Variants in SLC8A1 observed in about 807,000 individuals in gnomAD.
SLC8A1 encodes sodium/calcium exchanger 1.
A neutral mutation model predicts 68.3 loss-of-function variants in SLC8A1; 18 were observed. The ratio of observed to expected loss-of-function variants is 0.26; its 90% confidence interval spans 0.18 to 0.39. SLC8A1 has a LOEUF of 0.39. Ranked by LOEUF, SLC8A1 falls within the 10% of genes least tolerant of loss-of-function variation. The pLI is 1.00. For missense variants in SLC8A1, 985 were observed against 1,156.7 expected, an observed-to-expected ratio of 0.85 and a Z score of 2.15; for synonymous variants, 475 against 415.5, an observed-to-expected ratio of 1.14 and a Z score of -1.74.
intron 2 of SLC8A1, among the ~76,000 whole-genome samples, chr2:40,291,122 A>T (rs1000386412): frequency 1.3e-5 from 2 of 152,174 alleles, no homozygotes; most frequent in African/African-American, 4.8e-5. Context: ...GATGTAGGCG[A>T]CTTCTTTCAG....
chr2:40,126,609 G>A (rs1205370425), intron 7 of SLC8A1, among the ~76,000 whole-genome samples: 1 of 152,104 alleles, frequency 6.6e-6, no homozygotes, highest in Non-Finnish European at 1.5e-5. Context: ...ACCTGCCTGA[G>A]TAAATCTAGG....
At chr2:40,098,040 A>G (rs2033678367) in exon 8 of SLC8A1, 1 of 152,044 alleles carries the variant, frequency 6.6e-6, no homozygotes, top group South Asian at 2.1e-4. Flanking sequence ...TGTAAATCAC[A>G]TATATCTTAA....
At chr2:40,247,854 T>C (rs112758237) in intron 2 of SLC8A1, among the ~76,000 whole-genome samples, 5 of 152,284 alleles carry the variant, frequency 3.3e-5, no homozygotes, top group South Asian at 2.1e-4. Flanking sequence ...TAATTAATTA[T>C]AGAACAGGAC....
At chr2:40,107,203 C>G (rs1572677009) in exon 8 of SLC8A1, 1 of 141,748 alleles carries the variant, frequency 7.1e-6, no homozygotes, top group East Asian at 2.1e-4. Flanking sequence ...ATTCGTGAAC[C>G]CGGGAGGTGG....
chr2:40,137,446 G>A (rs2040725603), intron 7 of SLC8A1, among the ~76,000 whole-genome samples: 1 of 152,178 alleles, frequency 6.6e-6, no homozygotes, highest in South Asian at 2.1e-4. Flanking sequence ...TCTCCTCAGA[G>A]ACTAAACCCA....
chr2:40,144,817 T>C (rs1294193029), intron 6 of SLC8A1, among the ~76,000 whole-genome samples: 2 of 152,212 alleles, frequency 1.3e-5, no homozygotes, highest in African/African-American at 4.8e-5. Flanking sequence ...TTTTATCATA[T>C]GCATTTGAGA....
chr2:40,430,153 C>T (rs751120817), exon 2 of SLC8A1: 2 of 1,613,822 alleles, frequency 1.2e-6, no homozygotes, highest in Non-Finnish European at 1.7e-6. Flanking sequence ...AGTTTCATTT[C>T]CTTCTCCTTC....
At chr2:40,261,276 C>T (rs1574870471) in intron 2 of SLC8A1, among the ~76,000 whole-genome samples, 1 of 152,176 alleles carries the variant, frequency 6.6e-6, no homozygotes, top group South Asian at 2.1e-4. Flanking sequence ...CAGTATTCTG[C>T]ACACACACTA....
intron 2 of SLC8A1, among the ~76,000 whole-genome samples, chr2:40,231,313 G>A (rs1447068353): frequency 6.6e-6 from 1 of 152,126 alleles, no homozygotes; most frequent in Admixed American, 6.6e-5. Context: ...GTAAGAAATG[G>A]AAAATGTTCA....
In SLC8A1 at chr2:40,509,644, C is replaced by G. The variant is rs545707194; in HGVS notation, c.-25+2705G>C. ...AAGTGCTTCCTCCTCTTGTTATTGT[C>G]ACACCATAGACCAGGCCCACAGCTA... On this transcript the variant is annotated intron_variant, in intron 1 of 7. Transcript: ENST00000402441. Among the ~76,000 whole-genome samples, 3 of 152,014 alleles carry G rather than the reference C, an allele frequency of 2.0e-5. No homozygotes were observed. In the South Asian group the frequency reaches 6.2e-4, roughly 32 times the overall value.
At chr2:40,329,060 T>TCA (rs70957170) in intron 2 of SLC8A1, among the ~76,000 whole-genome samples, 7,673 of 141,134 alleles carry the variant, frequency 0.054, 198 homozygotes, top group Middle Eastern at 0.086. Context: ...CACTACAACC[T>TCA]CACACACACA....
chr2:40,483,939 T>G (rs563734298), intron 1 of SLC8A1, among the ~76,000 whole-genome samples: 56 of 152,320 alleles, frequency 3.7e-4, no homozygotes, highest in African/African-American at 1.3e-3. Flanking sequence ...GAACACTATC[T>G]AGTTTAGAAA....
chr2:40,355,262 G>A (rs1007107521), intron 2 of SLC8A1, among the ~76,000 whole-genome samples: 2 of 152,160 alleles, frequency 1.3e-5, no homozygotes, highest in Non-Finnish European at 2.9e-5. Context: ...TGATTCCGAT[G>A]ATTTTTTGAT....
At chr2:40,484,622 C>A (rs185312846) in intron 1 of SLC8A1, among the ~76,000 whole-genome samples, 4 of 152,168 alleles carry the variant, frequency 2.6e-5, no homozygotes, top group Non-Finnish European at 5.9e-5. Flanking sequence ...ATATGGGGAA[C>A]AGTGTTTGAC....
At chr2:40,408,171 G>A (rs1463481614) in intron 2 of SLC8A1, among the ~76,000 whole-genome samples, 1 of 152,128 alleles carries the variant, frequency 6.6e-6, no homozygotes, top group Admixed American at 6.6e-5. Flanking sequence ...AACTCCTAAT[G>A]TAGTTTGGGG....
chr2:40,415,753 G>A (rs1173391749), intron 2 of SLC8A1, among the ~76,000 whole-genome samples: 3 of 151,820 alleles, frequency 2.0e-5, no homozygotes, highest in East Asian at 1.9e-4. Context: ...CGAGGTGGGT[G>A]GGTCACCTGA....
At chr2:40,219,983 T>TAAAAAA (rs2058082721) in intron 2 of SLC8A1, among the ~76,000 whole-genome samples, 7 of 152,054 alleles carry the variant, frequency 4.6e-5, no homozygotes, top group Admixed American at 3.9e-4. Flanking sequence ...TAAGATTTTT[T>TAAAAAA]TCTTATCTGA....
intron 1 of SLC8A1, among the ~76,000 whole-genome samples, chr2:40,451,171 C>G (rs984352252): frequency 6.6e-6 from 1 of 152,164 alleles, no homozygotes; most frequent in African/African-American, 2.4e-5. Flanking sequence ...CCATTTCCCC[C>G]AAGAGCCAGC....
Position 40,187,997 on chromosome 2 carries a change from C to G in SLC8A1, c.1809-10142G>C, listed in dbSNP as rs543602892. On this transcript the variant is annotated intron_variant, in intron 2 of 7. Transcript: ENST00000406785. ...GGGTAAAGCAATAAGGACCTGGGGTCTGTTACCTACACATGCCTGCTGAGA... is the reference window on the plus strand; with the variant it reads ...GGGTAAAGCAATAAGGACCTGGGGTGTGTTACCTACACATGCCTGCTGAGA... Among the ~76,000 whole-genome samples the G allele has an allele frequency of 3.5e-4, 54 of 152,282 alleles. No individual in the cohort carries two copies. The South Asian group carries it at 6.6e-3, about 19-fold the overall frequency.
Sources: gnomAD v4.1 joint callset for allele counts (sites outside exome capture counted in the v4.1 genomes callset) on GRCh38, gnomAD v4.1.1 for gene constraint, MANE v1.5 for transcripts, NCBI Gene and HGNC (gene_info 2026-07-23, HGNC 2026-07-21) for gene names.